The following MAPKAP1 variants were observed in gnomAD, a reference collection of about 807,000 sequenced individuals.
The protein encoded by MAPKAP1 is target of rapamycin complex 2 subunit MAPKAP1.
In MAPKAP1, 20 loss-of-function variants were observed where a neutral mutation model predicts 65.7. The observed-to-expected ratio is 0.30, with a 90% CI of 0.21 to 0.44. The LOEUF is 0.44. Among genes scored for constraint, MAPKAP1 ranks in the 20% least tolerant of loss-of-function variants. The pLI, the probability that MAPKAP1 is intolerant of heterozygous loss-of-function variation, is 1.00. For synonymous variants in MAPKAP1, 222 were observed against 244.3 expected, an observed-to-expected ratio of 0.91 and a Z score of 0.85; for missense variants, 423 against 648.0, an observed-to-expected ratio of 0.65 and a Z score of 3.77.
At chr9:125,628,777 C>T (rs775797333) in intron 4 of MAPKAP1, among the ~76,000 whole-genome samples, 1 of 152,114 alleles carries the variant, frequency 6.6e-6, no homozygotes, top group African/African-American at 2.4e-5. Context: ...AGTAAAAAGG[C>T]AACCTATGCA....
chr9:125,619,412 G>C (rs1589348515), intron 4 of MAPKAP1, among the ~76,000 whole-genome samples: 1 of 152,076 alleles, frequency 6.6e-6, no homozygotes, highest in East Asian at 1.9e-4. Flanking sequence ...GGGAGGCGGA[G>C]GTTACAGTGA....
At chr9:125,591,976 G>A (rs1350018698) in intron 4 of MAPKAP1, among the ~76,000 whole-genome samples, 1 of 152,166 alleles carries the variant, frequency 6.6e-6, no homozygotes. Flanking sequence ...GGAAATGGAG[G>A]CATATTTAGA....
intron 5 of MAPKAP1, among the ~76,000 whole-genome samples, chr9:125,561,476 T>C (rs901113259): frequency 9.2e-5 from 14 of 152,256 alleles, no homozygotes; most frequent in African/African-American, 2.9e-4. Context: ...CAGGTATTTG[T>C]AATGCTGTTA....
At chr9:125,530,403 T>C (rs1005447360) in intron 7 of MAPKAP1, among the ~76,000 whole-genome samples, 1 of 152,228 alleles carries the variant, frequency 6.6e-6, no homozygotes, top group Admixed American at 6.5e-5. Context: ...CTTCCTCTTT[T>C]AAATGTTTTC....
intron 4 of MAPKAP1, among the ~76,000 whole-genome samples, chr9:125,655,398 C>A (rs1048683626): frequency 1.3e-5 from 2 of 152,146 alleles, no homozygotes; most frequent in Non-Finnish European, 2.9e-5. Flanking sequence ...ACTCTAGAGG[C>A]AGCCATGGTG....
At chr9:125,577,090 C>A (rs1197670183) in intron 5 of MAPKAP1, among the ~76,000 whole-genome samples, 1 of 151,920 alleles carries the variant, frequency 6.6e-6, no homozygotes, top group East Asian at 1.9e-4. Flanking sequence ...CTCTTCCCGG[C>A]CGCCATCCCA....
chr9:125,646,083 A>G (rs1833718375), intron 4 of MAPKAP1, among the ~76,000 whole-genome samples: 1 of 152,204 alleles, frequency 6.6e-6, no homozygotes, highest in Non-Finnish European at 1.5e-5. Context: ...CTGTACACAA[A>G]GGTATTCCCC....
At chr9:125,556,671 G>C (rs1328549888) in intron 6 of MAPKAP1, among the ~76,000 whole-genome samples, 3 of 152,172 alleles carry the variant, frequency 2.0e-5, no homozygotes, top group African/African-American at 7.2e-5. Context: ...AAGGAGGAAA[G>C]GGGGGAAATG....
At chr9:125,693,896 T>G (rs1470787951) in intron 1 of MAPKAP1, among the ~76,000 whole-genome samples, 1 of 149,140 alleles carries the variant, frequency 6.7e-6, no homozygotes, top group African/African-American at 2.5e-5. Flanking sequence ...TGGCCGGGCA[T>G]AGGGGCTCAC....
intron 7 of MAPKAP1, among the ~76,000 whole-genome samples, chr9:125,536,444 G>A (rs1159752400): frequency 6.6e-6 from 1 of 152,188 alleles, no homozygotes; most frequent in Non-Finnish European, 1.5e-5. Context: ...TGGATATAGA[G>A]TGTCAGGTCT....
chr9:125,621,721 A>C (rs750050720), intron 4 of MAPKAP1, among the ~76,000 whole-genome samples: 1 of 152,222 alleles, frequency 6.6e-6, no homozygotes, highest in Non-Finnish European at 1.5e-5. Context: ...TATCCTCACT[A>C]TACAAATTCC....
intron 4 of MAPKAP1, among the ~76,000 whole-genome samples, chr9:125,616,945 T>C (rs1288065970): frequency 6.6e-6 from 1 of 152,228 alleles, no homozygotes; most frequent in African/African-American, 2.4e-5. Context: ...ATAGCATGCA[T>C]TTGTACTTAG....
intron 2 of MAPKAP1, among the ~76,000 whole-genome samples, chr9:125,670,761 G>C (rs954437447): frequency 3.3e-5 from 5 of 152,154 alleles, no homozygotes; most frequent in Admixed American, 6.6e-5. Flanking sequence ...CGCATACAGA[G>C]ACCACAATAA....
chr9:125,671,990 G>A (rs1834510318), intron 2 of MAPKAP1, among the ~76,000 whole-genome samples: 1 of 152,112 alleles, frequency 6.6e-6, no homozygotes, highest in Admixed American at 6.6e-5. Flanking sequence ...TACCTACTGG[G>A]ACTAATGTTG....
At chr9:125,581,427 A>C (rs751080929) in intron 5 of MAPKAP1, among the ~76,000 whole-genome samples, 1 of 152,148 alleles carries the variant, frequency 6.6e-6, no homozygotes, top group African/African-American at 2.4e-5. Flanking sequence ...GCATTTTCCT[A>C]ATGGCTAATG....
At chr9:125,706,414 G>T (rs1204741650) in intron 1 of MAPKAP1, among the ~76,000 whole-genome samples, 1 of 151,954 alleles carries the variant, frequency 6.6e-6, no homozygotes, top group African/African-American at 2.4e-5. Flanking sequence ...ACCAATTTCT[G>T]AGTCAATTTG....
intron 5 of MAPKAP1, 111 bp downstream of exon 5, chr9:125,585,444 G>T: frequency 8.6e-7 from 1 of 1,157,938 alleles, no homozygotes; most frequent in Non-Finnish European, 1.3e-6. Context: ...CTGGATCAGT[G>T]CAGAAGTGTG....
intron 8 of MAPKAP1, among the ~76,000 whole-genome samples, chr9:125,500,084 G>A (rs559946516): frequency 6.6e-6 from 1 of 152,316 alleles, no homozygotes; most frequent in African/African-American, 2.4e-5. Context: ...AACAATATGA[G>A]TATTAATGTG....
intron 8 of MAPKAP1, among the ~76,000 whole-genome samples, chr9:125,500,628 G>C (rs937326384): frequency 6.6e-6 from 1 of 152,204 alleles, no homozygotes; most frequent in African/African-American, 2.4e-5. Context: ...TCCCTGGAAA[G>C]ATATGGAAGA....
Sources: gnomAD v4.1 joint callset for allele counts (sites outside exome capture counted in the v4.1 genomes callset) on GRCh38, gnomAD v4.1.1 for gene constraint, MANE v1.5 for transcripts, NCBI Gene and HGNC (gene_info 2026-07-23, HGNC 2026-07-21) for gene names.